BMI1: variants seen among roughly 807,000 people sequenced by gnomAD.
The protein encoded by BMI1 is BMI1 proto-oncogene, polycomb ring finger.
BMI1 carries 9 observed loss-of-function variants against 39.1 expected under a neutral mutation model. The ratio of observed to expected loss-of-function variants is 0.23; its 90% CI spans 0.14 to 0.40. BMI1 has a LOEUF of 0.40. Ranked by LOEUF, BMI1 falls within the 10% of genes least tolerant of loss-of-function variation. BMI1 has a pLI of 1.00. For missense variants in BMI1, 252 were observed against 390.8 expected (o/e 0.64, Z 2.99); for synonymous variants, 131 against 127.9 (o/e 1.02, Z -0.16).
rs550776939 is a variant in BMI1 at position 22,326,815 on chromosome 10, G to T, written c.113-75G>T. 4 of 1,555,124 alleles carry T rather than the reference G, an allele frequency of 2.6e-6. No homozygotes were observed. The Admixed American group carries it at 5.2e-5, about 20-fold the overall frequency. The stretch of plus-strand genomic sequence containing the variant: ...CCTTTCACCATCTTGTTTTCTACTA[G>T]TTCTGGGTTTCTAACACCAATGATT... On this transcript the variant is annotated intron_variant, in intron 2 of 9. Coordinates refer to ENST00000376663, the MANE Select transcript of BMI1 (RefSeq NM_005180.9).
chr10:22,329,735 G>C lies in BMI1; in HGVS notation c.*193G>C. 1.5e-6 allele frequency: 1 copy of C among 663,612 alleles called. No individual in the cohort carries two copies. Among genetic ancestry groups the C allele is most frequent in the South Asian group, 2.4e-5 (1 of 41,680 alleles). The allele number at this position is 663,612 out of a possible 1,614,324, so 41.1% of individuals were successfully genotyped here. On this transcript the variant is annotated 3_prime_UTR_variant, in exon 10 of 10. Transcript: ENST00000376663. ...TGGACGTTAATTGAAAAGAAAGATT[G>C]TTGTTATAAAGAATTGGTTTCTTGG...
At chr10:22,326,006 G>A (rs889497390) in intron 1 of BMI1, 1 of 153,650 alleles carries the variant, frequency 6.5e-6, no homozygotes, top group Non-Finnish European at 1.4e-5. Context: ...CGGAACCCCG[G>A]ATTTTCACTT....
intron 3 of BMI1, among the ~76,000 whole-genome samples, 166 bp downstream of exon 3, chr10:22,327,152 G>A (rs1461917903): frequency 2.0e-5 from 3 of 152,166 alleles, no homozygotes; most frequent in African/African-American, 7.2e-5. Context: ...TATTAATGGT[G>A]ACCAAGTTTA....
intron 1 of BMI1, among the ~76,000 whole-genome samples, chr10:22,325,085 A>T (rs1349053197): frequency 6.6e-6 from 1 of 152,220 alleles, no homozygotes; most frequent in East Asian, 1.9e-4. Flanking sequence ...CCCCCAGCAT[A>T]GTTTGTCCAA....
Position 22,323,242 on chromosome 10 carries a change from C to G in BMI1, c.-20+1546C>G, listed in dbSNP as rs550450866. Among the ~76,000 whole-genome samples the G allele has an allele frequency of 3.3e-5, 5 of 152,292 alleles. No homozygotes were observed. The East Asian group carries it at 9.6e-4, about 29-fold the overall frequency. ...TTTTAAGTAGACCGATCAGAAATCC[C>G]TGGGATTGATTTTATAAACAAAATT... On this transcript the variant is annotated intron_variant, in intron 1 of 9. Transcript: ENST00000376663.
chr10:22,329,861 G>T lies in BMI1; in HGVS notation c.*319G>T. ...TACTCTGCAGTGGACATAAGCATTGGGCCATAGTTTGTTAATCTCAACTAA... is the reference window on the plus strand; with the variant it reads ...TACTCTGCAGTGGACATAAGCATTGTGCCATAGTTTGTTAATCTCAACTAA... On this transcript the variant is annotated 3_prime_UTR_variant, in exon 10 of 10. Transcript: ENST00000376663. 3.9e-6 allele frequency: 1 copy of T among 255,480 alleles called. No homozygotes were observed. The highest frequency in any genetic ancestry group is 7.5e-6 in the Non-Finnish European group (1 of 132,800). The allele number at this position is 255,480 out of a possible 1,614,324, so 15.8% of individuals were successfully genotyped here.
At chr10:22,327,530 A>G in intron 3 of BMI1, 65 bp from the exon 4 acceptor site, 2 of 1,454,024 alleles carry the variant, frequency 1.4e-6, no homozygotes, top group Middle Eastern at 2.5e-4. Context: ...AGACTATAGA[A>G]ACTTATGAAC....
chr10:22,327,090 C>T (rs1564350468), intron 3 of BMI1, 104 bp downstream of exon 3: 2 of 1,264,502 alleles, frequency 1.6e-6, no homozygotes, highest in Non-Finnish European at 2.2e-6. Context: ...CTCTTGAATA[C>T]ATAACTAATA....
intron 1 of BMI1, chr10:22,322,091 C>G (rs1836019834): frequency 6.6e-6 from 1 of 151,876 alleles, no homozygotes; most frequent in African/African-American, 2.4e-5. Context: ...CGCACCCTCG[C>G]GACGCACATG....
Position 22,330,634 on chromosome 10 carries a change from A to G in BMI1, c.*1092A>G, listed in dbSNP as rs576710083. On this transcript the variant is annotated 3_prime_UTR_variant, in exon 10 of 10. Transcript: ENST00000376663. ...TATTGATCACTATAATTCTAAAACA[A>G]TTTTTTAAATAAACCAGCAGGTTGC... The G allele has an allele frequency of 1.3e-5, 2 of 152,312 alleles. No individual in the cohort carries two copies. Among genetic ancestry groups the G allele is most frequent in the South Asian group, 4.1e-4 (2 of 4,822 alleles). The allele number at this position is 152,312 out of a possible 1,614,324, so 9.4% of individuals were successfully genotyped here.
rs1398907534 is a variant in BMI1, at chr10:22,321,125, A to T, written c.-591A>T. 4.1e-5 allele frequency: 6 copies of T among 147,494 alleles called. No homozygotes were observed. Among genetic ancestry groups the T allele is most frequent in the African/African-American group, 1.5e-4 (6 of 40,036 alleles). The allele number at this position is 147,494 out of a possible 1,614,324, so 9.1% of individuals were successfully genotyped here. A position where few individuals can be genotyped will look rare whatever the true frequency, so the allele number is the denominator to read the frequency against. Reference sequence around the variant, plus strand: ...GTTTCCACTCTGCCTTCAGCGGTGCATTTTTTTCCACCCTCCCCTCCCCCT... The same window carrying T: ...GTTTCCACTCTGCCTTCAGCGGTGCTTTTTTTTCCACCCTCCCCTCCCCCT... On this transcript the variant is annotated 5_prime_UTR_variant, in exon 1 of 10. Transcript: ENST00000376663.
At chr10:22,322,002 C>T (rs1836016136) in intron 1 of BMI1, 1 of 146,678 alleles carries the variant, frequency 6.8e-6, no homozygotes. Flanking sequence ...GGCGCCGCTC[C>T]AGCCGCCGCC....
chr10:22,331,327 G>C lies in BMI1; in HGVS notation c.*1785G>C, dbSNP rs1246094954. ...GTGCAGAAGTTATGGAAAACCTATA[G>C]AGGATTACAACAGGTAAACGTTAAA... On this transcript the variant is annotated 3_prime_UTR_variant, in exon 10 of 10. Coordinates refer to ENST00000376663, the MANE Select transcript of BMI1 (RefSeq NM_005180.9). The C allele has an allele frequency of 6.6e-6, 1 of 152,158 alleles. No individual in the cohort carries two copies. The highest frequency in any genetic ancestry group is 1.5e-5 in the Non-Finnish European group (1 of 67,966). 9.4% of individuals were successfully genotyped at this position (152,158 alleles called of 1,614,324 possible).
At position 22,330,184 on chromosome 10, in the gene BMI1, A is replaced by G. The variant is rs959337422; in HGVS notation, c.*642A>G. ...CCGTTTATTTTACTGACTTGTTTAAATGATTCGCTTTTGTAAGAATCAGAT... is the reference window on the plus strand; with the variant it reads ...CCGTTTATTTTACTGACTTGTTTAAGTGATTCGCTTTTGTAAGAATCAGAT... On this transcript the variant is annotated 3_prime_UTR_variant, in exon 10 of 10. Coordinates refer to ENST00000376663, the MANE Select transcript of BMI1 (RefSeq NM_005180.9). 2.6e-5 allele frequency: 4 copies of G among 152,976 alleles called. No homozygotes were observed. Among genetic ancestry groups the G allele is most frequent in the Non-Finnish European group, 5.9e-5 (4 of 68,274 alleles). 9.5% of individuals were successfully genotyped at this position (152,976 alleles called of 1,614,324 possible). A position where few individuals can be genotyped will look rare whatever the true frequency, so the allele number is the denominator to read the frequency against.
At position 22,331,220 on chromosome 10, in the gene BMI1, A is replaced by G. The variant is rs189894322; in HGVS notation, c.*1678A>G. 1.3e-3 allele frequency: 196 copies of G among 152,666 alleles called. 1 individual carries two copies. The highest frequency in any genetic ancestry group is 4.5e-3 in the African/African-American group (187 of 41,578). The allele number at this position is 152,666 out of a possible 1,614,324, so 9.5% of individuals were successfully genotyped here. On this transcript the variant is annotated 3_prime_UTR_variant, in exon 10 of 10. Transcript: ENST00000376663. ...GATGTAAAATGAAATTTCATTTGTA[A>G]TTGGAAAAAATCCAATAAAAAGGAT... is the stretch of plus-strand genomic sequence containing the variant.
chr10:22,326,186 C>T (rs1165913784), intron 1 of BMI1: 1 of 423,148 alleles, frequency 2.4e-6, no homozygotes, highest in East Asian at 4.9e-5. Context: ...GCCCCCACCC[C>T]AGACTTTCTT....
chr10:22,323,813 T>A (rs1836067167), intron 1 of BMI1, among the ~76,000 whole-genome samples: 1 of 152,268 alleles, frequency 6.6e-6, no homozygotes, highest in Non-Finnish European at 1.5e-5. Flanking sequence ...GGTTGGAACC[T>A]GGAAGGTTTT....
At position 22,326,660 on chromosome 10, in the gene BMI1, T is replaced by C. The variant is rs1836161337; in HGVS notation, c.112+99T>C. 4.6e-6 allele frequency: 7 copies of C among 1,533,140 alleles called. No individual in the cohort carries two copies. The South Asian group carries it at 5.2e-5, about 11-fold the overall frequency. The allele number at this position is 1,533,140 out of a possible 1,614,324, so 95.0% of individuals were successfully genotyped here. A position where few individuals can be genotyped will look rare whatever the true frequency, so the allele number is the denominator to read the frequency against. ...ATGATTCCTGCAATCTGTGGAAATG[T>C]TGGTACAAAGTGGTGAAGGCATTTT... On this transcript the variant is annotated intron_variant, in intron 2 of 9. Transcript: ENST00000376663.
chr10:22,327,703 G>T, intron 4 of BMI1, 39 bp from the exon 5 acceptor site: 1 of 1,612,974 alleles, frequency 6.2e-7, no homozygotes, highest in Non-Finnish European at 8.5e-7. Context: ...TTAGTTCTTT[G>T]TGTTATGCCA....
Sources: allele counts gnomAD v4.1 joint callset (sites outside exome capture counted in the v4.1 genomes callset), GRCh38; gene constraint gnomAD v4.1.1; transcripts MANE v1.5; gene names NCBI Gene and HGNC (gene_info 2026-07-23, HGNC 2026-07-21).